The following PUM3 variants were observed in gnomAD, a reference collection of about 807,000 sequenced individuals.
PUM3 encodes the protein pumilio homolog 3.
Under a neutral mutation model 84.0 loss-of-function variants are expected in PUM3, and 91 were observed. The observed-to-expected ratio is 1.08, with a 90% CI of 0.91 to 1.29. PUM3 has a LOEUF of 1.29. Ranked by LOEUF, PUM3 falls within the 50% of genes most tolerant of loss-of-function variation. PUM3 has a pLI of 0.00. For synonymous variants in PUM3, 321 were observed against 266.7 expected, an observed-to-expected ratio of 1.20 and a Z score of -1.98; for missense variants, 1,067 against 767.5, an observed-to-expected ratio of 1.39 and a Z score of -4.61.
chr9:2,834,122 T>C lies in PUM3; in HGVS notation c.349A>G (p.Lys117Glu). The C allele has an allele frequency of 6.2e-7, 1 of 1,613,674 alleles. No individual in the cohort carries two copies. Among genetic ancestry groups the C allele is most frequent in the Non-Finnish European group, 8.5e-7 (1 of 1,179,728 alleles). The part of the protein sequence containing the change: ...KPKWDDFKKK[K>E]KELKQSRQLS... ...TGTCTGCTTTGCTTCAGTTCTTTCT[T>C]CTTCTTTTTGAAGTCATCCCATTTG... The change falls in exon 4 of 18, where the codon AAG (lysine) becomes GAG (glutamate). Residue 117 changes from lysine to glutamate, a missense_variant. Lys to Glu is a moderately conservative substitution (Grantham distance 56). Transcript: ENST00000397885.
At chr9:2,822,170 T>G (rs1345380151) in intron 12 of PUM3, among the ~76,000 whole-genome samples, 2 of 152,118 alleles carry the variant, frequency 1.3e-5, no homozygotes, top group Non-Finnish European at 2.9e-5. Flanking sequence ...GTTGGAAATT[T>G]TAACATGTTT....
Position 2,812,227 on chromosome 9 carries a change from C to G in PUM3, c.1405G>C (p.Ala469Pro), listed in dbSNP as rs1279639246. 2 of 1,613,486 alleles carry G rather than the reference C, an allele frequency of 1.2e-6. No homozygotes were observed. The highest frequency in any genetic ancestry group is 2.7e-5 in the African/African-American group (2 of 74,888). Residue 469 changes from alanine (A) to proline (P), a missense_variant, in exon 14 of 18, where the codon GCA becomes CCA. By Grantham distance (27) the Ala-to-Pro change is conservative (BLOSUM62 -1). Transcript: ENST00000397885. The stretch of plus-strand genomic sequence containing the variant: ...CATTCTACTTGGTTTTACCTGTGTG[C>G]ATTTCCATCTCCTTTTTGCAGAACT... ...IEVLQKGDGN[A>P]HSKKDTEVRR...
At chr9:2,821,443 C>CAA (rs572752267) in intron 12 of PUM3, among the ~76,000 whole-genome samples, 14 of 50,102 alleles carry the variant, frequency 2.8e-4, no homozygotes, top group African/African-American at 9.7e-4. Context: ...GACTCTGTCT[C>CAA]AAAAAAAAAA....
At chr9:2,835,378 A>G (rs1816096120) in intron 3 of PUM3, among the ~76,000 whole-genome samples, 1 of 152,160 alleles carries the variant, frequency 6.6e-6, no homozygotes, top group South Asian at 2.1e-4. Flanking sequence ...TCATCACGCC[A>G]TTGCACTTCA....
intron 1 of PUM3, among the ~76,000 whole-genome samples, chr9:2,839,174 T>C (rs997645367): frequency 6.6e-6 from 1 of 152,200 alleles, no homozygotes; most frequent in African/African-American, 2.4e-5. Flanking sequence ...TGAGACACCA[T>C]GGTGCACAGG....
chr9:2,825,496 T>C (rs1428972151), intron 10 of PUM3, among the ~76,000 whole-genome samples: 1 of 152,162 alleles, frequency 6.6e-6, no homozygotes, highest in African/African-American at 2.4e-5. Flanking sequence ...TTTCTTTTTT[T>C]TTTGGAGACG....
chr9:2,822,933 C>A (rs1815705116), intron 12 of PUM3, among the ~76,000 whole-genome samples: 1 of 151,594 alleles, frequency 6.6e-6, no homozygotes, highest in South Asian at 2.1e-4. Flanking sequence ...AATCACACAG[C>A]ATTAATTTTA....
At chr9:2,837,916 CA>C (rs1816172610) in intron 2 of PUM3, among the ~76,000 whole-genome samples, 1 of 151,970 alleles carries the variant, frequency 6.6e-6, no homozygotes, top group African/African-American at 2.4e-5. Context: ...AATTATTTAT[CA>C]AAAACTTTTG....
At chr9:2,805,829 A>G (rs72694642) in intron 17 of PUM3, among the ~76,000 whole-genome samples, 9,365 of 151,930 alleles carry the variant, frequency 0.062, 395 homozygotes, top group Non-Finnish European at 0.089. Flanking sequence ...GGCCCAGAAA[A>G]GCTGAATAAT....
chr9:2,829,916 C>G lies in PUM3; in HGVS notation c.710G>C (p.Ser237Thr). ...SKPQIAEIIR[S>T]FKGHVRKMLR... ...CATCTTCCTCACGTGGCCTTTAAAA[C>G]TTCTGATTATCTCTGCAATCTGTGG... Residue 237 changes from serine to threonine, a missense_variant, in exon 8 of 18, where the codon AGT becomes ACT. By Grantham distance (58) the Ser-to-Thr change is moderately conservative. Transcript: ENST00000397885. 1 of 1,613,584 alleles carries G rather than the reference C, an allele frequency of 6.2e-7. No individual in the cohort carries two copies. The highest frequency in any genetic ancestry group is 1.3e-5 in the African/African-American group (1 of 75,000).
chr9:2,829,277 AC>A (rs1815908150), intron 8 of PUM3, among the ~76,000 whole-genome samples: 1 of 152,214 alleles, frequency 6.6e-6, no homozygotes, highest in Non-Finnish European at 1.5e-5. Flanking sequence ...AGCTAGTCCC[AC>A]TGCTAACTAT....
At chr9:2,814,032 T>G (rs1821420381) in intron 13 of PUM3, among the ~76,000 whole-genome samples, 1 of 35,734 alleles carries the variant, frequency 2.8e-5, no homozygotes, top group Non-Finnish European at 5.2e-5. Flanking sequence ...CATAAAAGTT[T>G]TCAGAGAGCT....
intron 13 of PUM3, among the ~76,000 whole-genome samples, chr9:2,819,507 A>G (rs756239840): frequency 1.3e-5 from 2 of 152,212 alleles, no homozygotes; most frequent in Non-Finnish European, 2.9e-5. Flanking sequence ...CAACTGAGTG[A>G]GTTTTGTACA....
intron 17 of PUM3, among the ~76,000 whole-genome samples, chr9:2,805,607 G>A (rs1270434383): frequency 3.3e-5 from 5 of 152,016 alleles, no homozygotes; most frequent in East Asian, 3.8e-4. Context: ...AAGTTCCCTC[G>A]TAATGAATTT....
At chr9:2,833,581 C>A (rs1816042287) in intron 4 of PUM3, 149 bp from the exon 5 acceptor site, 1 of 500,918 alleles carries the variant, frequency 2.0e-6, no homozygotes, top group East Asian at 3.3e-5. Flanking sequence ...AATTACTATT[C>A]CAGAGCAGCC....
In PUM3 at chr9:2,823,795, C is replaced by A; in HGVS notation, c.1174G>T (p.Glu392Ter). 6.7e-7 allele frequency: 1 copy of A among 1,499,736 alleles called. No individual in the cohort carries two copies. The highest frequency in any genetic ancestry group is 9.1e-7 in the Non-Finnish European group (1 of 1,096,486). The allele number at this position is 1,499,736 out of a possible 1,614,324, so 92.9% of individuals were successfully genotyped here. A position where few individuals can be genotyped will look rare whatever the true frequency, so the allele number is the denominator to read the frequency against. ...ATTATACTTACATTAGCCACCTTTT[C>A]AACATAAGTCTTCATTGTTTTCACA... Reference protein sequence around the residue: ...VIVKTMKTYVEKVANGQYSHL... With the variant: ...VIVKTMKTYV The change falls in exon 12 of 18, where the codon GAA (glutamate) becomes TAA (stop). Residue 392 changes from glutamate (E) to a stop codon, truncating the protein, a stop_gained. Transcript: ENST00000397885. LOFTEE classifies it high-confidence loss of function.
intron 8 of PUM3, 105 bp downstream of exon 8, chr9:2,829,669 C>A: frequency 1.0e-6 from 1 of 963,882 alleles, no homozygotes; most frequent in African/African-American, 1.6e-5. Flanking sequence ...TCTTAAAGAA[C>A]CAGCCACAGT....
At position 2,829,886 on chromosome 9, in the gene PUM3, C is replaced by G; in HGVS notation, c.740G>C (p.Arg247Pro). 4 of 1,613,822 alleles carry G rather than the reference C, an allele frequency of 2.5e-6. No homozygotes were observed. Among genetic ancestry groups the G allele is most frequent in the Non-Finnish European group, 3.4e-6 (4 of 1,179,774 alleles). Reference sequence around the variant, plus strand: ...CACGATGGCTGATGCTTCCGCATGCCGCAGCATCTTCCTCACGTGGCCTTT... The same window carrying G: ...CACGATGGCTGATGCTTCCGCATGCGGCAGCATCTTCCTCACGTGGCCTTT... ...SFKGHVRKML[R>P]HAEASAIVEY... Residue 247 changes from arginine to proline, a missense_variant, in exon 8 of 18, where the codon CGG becomes CCG. Coordinates refer to ENST00000397885, the MANE Select transcript of PUM3 (RefSeq NM_014878.5).
rs1009062420 is a variant in PUM3 at position 2,812,721 on chromosome 9, C to T, written c.1270-359G>A. Reference sequence around the variant, plus strand: ...TTACATTTAGAACACAGAATCAATTCTCTTTTGTGACTAGCATTACTGAAC... The same window carrying T: ...TTACATTTAGAACACAGAATCAATTTTCTTTTGTGACTAGCATTACTGAAC... On this transcript the variant is annotated intron_variant, in intron 13 of 17. Coordinates refer to ENST00000397885, the MANE Select transcript of PUM3 (RefSeq NM_014878.5). Among the ~76,000 whole-genome samples the T allele has an allele frequency of 4.6e-5, 7 of 152,292 alleles. No individual in the cohort carries two copies. In the South Asian group the frequency reaches 1.5e-3, roughly 32 times the overall value.
Sources: allele counts gnomAD v4.1 joint callset (sites outside exome capture counted in the v4.1 genomes callset), GRCh38; gene constraint gnomAD v4.1.1; transcripts MANE v1.5; gene names NCBI Gene and HGNC (gene_info 2026-07-23, HGNC 2026-07-21).